LMBR1: variants seen among roughly 807,000 people sequenced by gnomAD.
The protein encoded by LMBR1 is limb development membrane protein 1, also known as limb region 1 protein homolog.
LMBR1 carries 52 observed loss-of-function variants against 73.9 expected under a neutral mutation model. The ratio of observed to expected loss-of-function variants is 0.70; its 90% CI spans 0.56 to 0.89. LMBR1 has a LOEUF of 0.89. Among genes scored for constraint, LMBR1 ranks in the 40% least tolerant of loss-of-function variants. The pLI, the probability that LMBR1 is intolerant of heterozygous loss-of-function variation, is 0.00. For synonymous variants in LMBR1, 215 were observed against 209.4 expected, an observed-to-expected ratio of 1.03 and a Z score of -0.23; for missense variants, 539 against 579.8, an observed-to-expected ratio of 0.93 and a Z score of 0.72.
chr7:156,826,915 T>TA (rs1215245930), intron 3 of LMBR1, among the ~76,000 whole-genome samples, 171 bp from the exon 4 acceptor site: 1 of 152,166 alleles, frequency 6.6e-6, no homozygotes, highest in African/African-American at 2.4e-5. Flanking sequence ...GCCTAGAAGT[T>TA]AAACTAGATA....
At chr7:156,733,989 CA>C in intron 10 of LMBR1, 187 bp downstream of exon 10, 3 of 426,974 alleles carry the variant, frequency 7.0e-6, no homozygotes, top group South Asian at 6.5e-5. Flanking sequence ...TATATAAAAC[CA>C]AAAAAAGTGA....
chr7:156,786,784 G>C (rs772966309), intron 5 of LMBR1, among the ~76,000 whole-genome samples: 5 of 151,942 alleles, frequency 3.3e-5, no homozygotes, highest in Admixed American at 6.6e-5. Flanking sequence ...CATGTGACAT[G>C]GTTAAGTAGG....
At chr7:156,748,153 C>T (rs1437030871) in intron 9 of LMBR1, among the ~76,000 whole-genome samples, 1 of 152,128 alleles carries the variant, frequency 6.6e-6, no homozygotes, top group Non-Finnish European at 1.5e-5. Context: ...GACATATCCA[C>T]AAAAATATGG....
intron 1 of LMBR1, among the ~76,000 whole-genome samples, chr7:156,864,579 T>C (rs1434976043): frequency 1.3e-5 from 2 of 152,232 alleles, no homozygotes; most frequent in Non-Finnish European, 2.9e-5. Flanking sequence ...CATTTTCATA[T>C]ACCTCTATAT....
At chr7:156,720,395 C>T (rs1289819967) in intron 15 of LMBR1, among the ~76,000 whole-genome samples, 1 of 152,164 alleles carries the variant, frequency 6.6e-6, no homozygotes, top group Non-Finnish European at 1.5e-5. Context: ...GTATGTGTGA[C>T]CCACAGACAT....
At chr7:156,886,700 G>C (rs1801964100) in intron 1 of LMBR1, among the ~76,000 whole-genome samples, 1 of 152,134 alleles carries the variant, frequency 6.6e-6, no homozygotes, top group South Asian at 2.1e-4. Flanking sequence ...TGCTTGTTTA[G>C]CCGCTAGAAA....
rs1009707321 is a variant in LMBR1, at chr7:156,893,082, C to T, written c.-89G>A. ...GCCGCAGGGGCTCGGACAGCCGCGCCGGGGACCGGAGCCGGCACGGGCCCG... is the reference window on the plus strand; with the variant it reads ...GCCGCAGGGGCTCGGACAGCCGCGCTGGGGACCGGAGCCGGCACGGGCCCG... On this transcript the variant is annotated 5_prime_UTR_variant, in exon 1 of 17. Coordinates refer to ENST00000353442, the MANE Select transcript of LMBR1 (RefSeq NM_022458.4). The T allele has an allele frequency of 2.2e-5, 28 of 1,280,460 alleles. No homozygotes were observed. Among genetic ancestry groups the T allele is most frequent in the Non-Finnish European group, 2.7e-5 (27 of 1,006,570 alleles). The allele number at this position is 1,280,460 out of a possible 1,614,324, so 79.3% of individuals were successfully genotyped here. A position where few individuals can be genotyped will look rare whatever the true frequency, so the allele number is the denominator to read the frequency against.
At chr7:156,701,503 T>C (rs1809683284) in intron 15 of LMBR1, among the ~76,000 whole-genome samples, 1 of 152,226 alleles carries the variant, frequency 6.6e-6, no homozygotes, top group Non-Finnish European at 1.5e-5. Context: ...TTTATAGTTA[T>C]ACAAAGAAGG....
chr7:156,689,544 A>T (rs1190565639), intron 15 of LMBR1, among the ~76,000 whole-genome samples: 5 of 152,204 alleles, frequency 3.3e-5, no homozygotes, highest in African/African-American at 1.2e-4. Flanking sequence ...AACCAAATAC[A>T]AACATTGTCA....
chr7:156,776,665 C>A (rs1480834333), intron 5 of LMBR1, among the ~76,000 whole-genome samples: 1 of 152,158 alleles, frequency 6.6e-6, no homozygotes, highest in Non-Finnish European at 1.5e-5. Context: ...GTCTTCTCTT[C>A]CCTGGCCTCA....
At chr7:156,801,031 C>A (rs1383820596) in intron 4 of LMBR1, among the ~76,000 whole-genome samples, 1 of 152,190 alleles carries the variant, frequency 6.6e-6, no homozygotes, top group Non-Finnish European at 1.5e-5. Context: ...ATGCTGTGAA[C>A]ATTGTGGAAA....
intron 15 of LMBR1, 43 bp downstream of exon 15, chr7:156,724,069 A>G (rs1392076751): frequency 1.4e-6 from 2 of 1,442,732 alleles, no homozygotes; most frequent in Non-Finnish European, 1.9e-6. Context: ...GACAGTTTTT[A>G]AAAACATGGA....
chr7:156,856,581 C>T (rs1362560262), intron 1 of LMBR1, among the ~76,000 whole-genome samples: 1 of 151,776 alleles, frequency 6.6e-6, no homozygotes, highest in Non-Finnish European at 1.5e-5. Context: ...ATTGGTTGGG[C>T]ATGGTGGCAT....
chr7:156,873,632 T>C (rs1263488109), intron 1 of LMBR1, among the ~76,000 whole-genome samples: 1 of 151,948 alleles, frequency 6.6e-6, no homozygotes, highest in Non-Finnish European at 1.5e-5. Context: ...CCCCATCAGA[T>C]TAGTTAGATA....
At chr7:156,807,940 G>T (rs1832430009) in intron 4 of LMBR1, among the ~76,000 whole-genome samples, 1 of 151,992 alleles carries the variant, frequency 6.6e-6, no homozygotes, top group South Asian at 2.1e-4. Flanking sequence ...TTCTAGGTAA[G>T]TTTTCTGACA....
intron 9 of LMBR1, among the ~76,000 whole-genome samples, chr7:156,736,288 T>A (rs778294528): frequency 4.6e-5 from 7 of 152,192 alleles, no homozygotes; most frequent in Non-Finnish European, 5.9e-5. Context: ...AAATACAGGT[T>A]GAATAATCCA....
At chr7:156,846,891 C>T (rs755137574) in intron 1 of LMBR1, among the ~76,000 whole-genome samples, 3 of 152,064 alleles carry the variant, frequency 2.0e-5, no homozygotes, top group Non-Finnish European at 4.4e-5. Flanking sequence ...ATGCTAACTG[C>T]CCCTTTTTGA....
intron 1 of LMBR1, among the ~76,000 whole-genome samples, chr7:156,861,648 T>C (rs1370813352): frequency 6.6e-6 from 1 of 152,220 alleles, no homozygotes; most frequent in Non-Finnish European, 1.5e-5. Flanking sequence ...CTTTTACAAC[T>C]GAATGCCTTT....
intron 12 of LMBR1, among the ~76,000 whole-genome samples, chr7:156,727,584 T>C (rs770723741): frequency 6.6e-6 from 1 of 152,158 alleles, no homozygotes; most frequent in Non-Finnish European, 1.5e-5. Context: ...CAATAACAGA[T>C]GGCACAAGGT....
Sources: gnomAD v4.1 joint callset for allele counts (sites outside exome capture counted in the v4.1 genomes callset) on GRCh38, gnomAD v4.1.1 for gene constraint, MANE v1.5 for transcripts, NCBI Gene and HGNC (gene_info 2026-07-23, HGNC 2026-07-21) for gene names.